STARD9: variants seen among roughly 807,000 people sequenced by gnomAD.
STARD9 encodes the protein StAR related lipid transfer domain containing 9.
Under a neutral mutation model 399.8 loss-of-function variants are expected in STARD9, and 346 were observed. The ratio of observed to expected loss-of-function variants is 0.87; its 90% CI spans 0.79 to 0.95. STARD9 has a LOEUF of 0.95. Ranked by LOEUF, STARD9 falls within the 40% of genes least tolerant of loss-of-function variation. The pLI is 0.00. For synonymous variants in STARD9, 2,203 were observed against 2,143.5 expected (o/e 1.03, Z -0.77); for missense variants, 5,832 against 5,667.5 (o/e 1.03, Z -0.93).
intron 23 of STARD9, 53 bp from the exon 24 acceptor site, chr15:42,694,475 C>T: frequency 6.5e-7 from 1 of 1,530,096 alleles, no homozygotes; most frequent in Non-Finnish European, 8.8e-7. Context: ...AGAGATAGAT[C>T]TTAAAGTGAA....
At chr15:42,695,080 T>C (rs2060812029) in intron 24 of STARD9, 60 bp from the exon 25 acceptor site, 2 of 1,359,178 alleles carry the variant, frequency 1.5e-6, no homozygotes, top group Non-Finnish European at 2.0e-6. Context: ...TAGCCTTGGA[T>C]GGACAGACCA....
chr15:42,682,014 G>A, intron 21 of STARD9, 90 bp from the exon 22 acceptor site: 2 of 868,130 alleles, frequency 2.3e-6, no homozygotes, highest in Non-Finnish European at 3.5e-6. Flanking sequence ...CTCCACACAG[G>A]TCCAGCCATG....
chr15:42,664,824 A>ACACACACACC (rs1491413451), intron 13 of STARD9, among the ~76,000 whole-genome samples: 2 of 144,586 alleles, frequency 1.4e-5, no homozygotes, highest in African/African-American at 5.4e-5. Context: ...ACACACACAC[A>ACACACACACC]CCCCATACGT....
At chr15:42,654,833 T>C (rs2059833093) in intron 9 of STARD9, among the ~76,000 whole-genome samples, 1 of 152,138 alleles carries the variant, frequency 6.6e-6, no homozygotes, top group South Asian at 2.1e-4. Context: ...GAATCAGTAT[T>C]GTGAAAATGG....
chr15:42,634,712 C>A, intron 3 of STARD9, 144 bp from the exon 4 acceptor site: 1 of 526,938 alleles, frequency 1.9e-6, no homozygotes, highest in Non-Finnish European at 3.3e-6. Flanking sequence ...TTTTATGAAG[C>A]TAAATTGATT....
At position 42,663,847 on chromosome 15, in the gene STARD9, G is replaced by A; in HGVS notation, c.1106G>A (p.Ser369Asn). 1.3e-6 allele frequency: 2 copies of A among 1,537,070 alleles called. No individual in the cohort carries two copies. Among genetic ancestry groups the A allele is most frequent in the Non-Finnish European group, 8.7e-7 (1 of 1,146,722 alleles). ...ATVSPAHTSY[S>N]ETMSTLRYAS... ...GTGTCTCCTGCACACACTAGCTACA[G>A]TGAGACCATGAGCACACTGAGATAT... Residue 369 changes from serine to asparagine, a missense_variant, in exon 13 of 33, where the codon AGT becomes AAT. This residue lies in a region of STARD9 where 5,828 missense variants were observed against 5,651.1 expected (regional missense o/e 1.03). Coordinates refer to ENST00000290607, the MANE Select transcript of STARD9 (RefSeq NM_020759.3).
chr15:42,607,194 C>CTTTTTTTTTTTT (rs763484090), intron 3 of STARD9, among the ~76,000 whole-genome samples: 1 of 39,260 alleles, frequency 2.5e-5, no homozygotes, highest in East Asian at 1.1e-3. Flanking sequence ...TTTTCTGGTG[C>CTTTTTTTTTTTT]TTTTTTTTTT....
intron 21 of STARD9, among the ~76,000 whole-genome samples, chr15:42,681,877 C>T (rs532812968): frequency 5.3e-5 from 8 of 152,218 alleles, no homozygotes; most frequent in African/African-American, 1.2e-4. Flanking sequence ...CATACCCTAC[C>T]GCCTGCCCTA....
chr15:42,658,648 A>C (rs2059928537), intron 9 of STARD9, among the ~76,000 whole-genome samples: 1 of 151,122 alleles, frequency 6.6e-6, no homozygotes, highest in Admixed American at 6.6e-5. Flanking sequence ...ATGCCTGGCT[A>C]ATTTTTGTAT....
chr15:42,702,872 T>TA (rs1446768762), intron 26 of STARD9, among the ~76,000 whole-genome samples: 1 of 152,224 alleles, frequency 6.6e-6, no homozygotes, highest in Admixed American at 6.5e-5. Flanking sequence ...TCCTAGCCTG[T>TA]AAGGTTTTTG....
chr15:42,670,002 G>C (rs1316637867), intron 16 of STARD9: 1 of 152,146 alleles, frequency 6.6e-6, no homozygotes, highest in African/African-American at 2.4e-5. Flanking sequence ...AGTGAGCTGA[G>C]ATCACGCCAC....
chr15:42,698,007 T>TTATG (rs1395453119), intron 26 of STARD9, among the ~76,000 whole-genome samples: 3 of 152,218 alleles, frequency 2.0e-5, no homozygotes, highest in Non-Finnish European at 4.4e-5. Flanking sequence ...ATAAAGCATA[T>TTATG]TATGCCACTG....
In STARD9 at chr15:42,689,844, A is replaced by G; in HGVS notation, c.8266A>G (p.Thr2756Ala). Residue 2756 changes from threonine (T) to alanine (A), a missense_variant, in exon 23 of 33, where the codon ACT becomes GCT. Thr to Ala is a moderately conservative substitution (Grantham distance 58). This residue lies in a region of STARD9 where 5,828 missense variants were observed against 5,651.1 expected (regional missense o/e 1.03). Transcript: ENST00000290607. ...SQAPYDDPRV[T>A]LHELSQSVPQ... The stretch of plus-strand genomic sequence containing the variant: ...GGCCCCTTATGATGATCCTAGAGTG[A>G]CTCTGCATGAGCTAAGTCAGTCAGT... 6.5e-7 allele frequency: 1 copy of G among 1,537,168 alleles called. No homozygotes were observed. Among genetic ancestry groups the G allele is most frequent in the East Asian group, 2.4e-5 (1 of 40,896 alleles).
intron 17 of STARD9, 97 bp from the exon 18 acceptor site, chr15:42,674,730 G>T (rs2060274651): frequency 7.0e-7 from 1 of 1,428,418 alleles, no homozygotes; most frequent in Non-Finnish European, 9.2e-7. Context: ...ATGGTATGAG[G>T]TCTTCCAGAT....
At chr15:42,660,000 A>G (rs561652082) in intron 9 of STARD9, among the ~76,000 whole-genome samples, 22 of 152,354 alleles carry the variant, frequency 1.4e-4, no homozygotes, top group African/African-American at 4.8e-4. Context: ...TAACTGTGGT[A>G]TATCCACACA....
chr15:42,673,831 T>C (rs1474618649), intron 16 of STARD9: 1 of 441,364 alleles, frequency 2.3e-6, no homozygotes, highest in Non-Finnish European at 4.6e-6. Flanking sequence ...TCATTTGTAC[T>C]AACTCCAGTT....
At chr15:42,657,609 T>C (rs2059902402) in intron 9 of STARD9, among the ~76,000 whole-genome samples, 2 of 152,176 alleles carry the variant, frequency 1.3e-5, no homozygotes, top group African/African-American at 4.8e-5. Flanking sequence ...AGTGAGGAAA[T>C]AGAAGATTTG....
rs532066420 is a variant in STARD9, at chr15:42,693,638, G to A, written c.12060G>A (p.Leu4020=). The change falls in exon 23 of 33, where the codon CTG becomes CTA. Residue 4020 remains leucine, a synonymous_variant. Coordinates refer to ENST00000290607, the MANE Select transcript of STARD9 (RefSeq NM_020759.3). ...AAAGCAGACTGCTGCCACCACCACT[G>A]AGGCACAGGAGCCAAAGGCTGGGCA... ...GVQSRLLPPP[L]RHRSQRLGNS... is the part of the protein sequence containing the mutation. The A allele has an allele frequency of 3.3e-5, 50 of 1,537,262 alleles. No homozygotes were observed. Among genetic ancestry groups the A allele is most frequent in the Admixed American group, 5.9e-5 (3 of 51,006 alleles).
In STARD9 at chr15:42,687,925, C is replaced by T. The variant is rs2060601296; in HGVS notation, c.6347C>T (p.Ser2116Phe). Residue 2116 changes from serine (S) to phenylalanine (F), a missense_variant, in exon 23 of 33, where the codon TCT (serine) becomes TTT (phenylalanine). Ser to Phe is a radical substitution (Grantham distance 155). Coordinates refer to ENST00000290607, the MANE Select transcript of STARD9 (RefSeq NM_020759.3). ...TTGCCCTCTAAGGATCAGCCATCTT[C>T]TCCAAGACAGACAGATGATACTGTC... ...NPLPSKDQPS[S>F]PRQTDDTVFR... 5.2e-6 allele frequency: 8 copies of T among 1,537,306 alleles called. No individual in the cohort carries two copies. The highest frequency in any genetic ancestry group is 2.4e-5 in the East Asian group (1 of 40,918).
Sources: allele counts gnomAD v4.1 joint callset (sites outside exome capture counted in the v4.1 genomes callset), GRCh38; gene constraint gnomAD v4.1.1; regional missense constraint gnomAD v4.1.1; transcripts MANE v1.5; gene names NCBI Gene and HGNC (gene_info 2026-07-23, HGNC 2026-07-21).